Variants in NDC1 observed in about 807,000 individuals in gnomAD.
NDC1 encodes NDC1 transmembrane nucleoporin, also known as nucleoporin NDC1.
Under a neutral mutation model 89.8 loss-of-function variants are expected in NDC1, and 24 were observed. The observed-to-expected ratio is 0.27, with a 90% confidence interval of 0.19 to 0.38. The LOEUF is 0.38. Among genes scored for constraint, NDC1 ranks in the 10% least tolerant of loss-of-function variants. The probability of loss-of-function intolerance (pLI) is 1.00; values close to 1 mark genes in which losing one functional copy is unlikely to be tolerated. For missense variants in NDC1, 728 were observed against 797.6 expected (o/e 0.91, Z 1.05); for synonymous variants, 296 against 284.8 (o/e 1.04, Z -0.39).
intron 15 of NDC1, among the ~76,000 whole-genome samples, chr1:53,787,650 A>AAAAT (rs1189276471): frequency 6.9e-6 from 1 of 145,442 alleles, no homozygotes; most frequent in Non-Finnish European, 1.5e-5. Flanking sequence ...AATAAAAAGT[A>AAAAT]AAATAAATAA....
At chr1:53,782,280 T>A (rs1647217161) in intron 16 of NDC1, among the ~76,000 whole-genome samples, 1 of 151,970 alleles carries the variant, frequency 6.6e-6, no homozygotes. Flanking sequence ...GTAACTCAGT[T>A]GAGAGTCCAT....
At chr1:53,796,072 C>A (rs1011174240) in intron 13 of NDC1, among the ~76,000 whole-genome samples, 1 of 152,192 alleles carries the variant, frequency 6.6e-6, no homozygotes. Context: ...CCCTTCAGGT[C>A]TCTGATCAAT....
In NDC1 at chr1:53,825,833, T is replaced by C. The variant is rs148809606; in HGVS notation, c.559A>G (p.Asn187Asp). ...GYSYSLLYFV[N>D]NMNYLPFPII... ...GGAAATGGAAGATAGTTCATGTTGT[T>C]AACAAAATACAGGAGGCTATAGCTA... The change falls in exon 5 of 18, where the codon AAC becomes GAC. Residue 187 changes from asparagine to aspartate, a missense_variant. Physicochemically the swap from Asn to Asp is conservative, Grantham distance 23. Coordinates refer to ENST00000371429, the MANE Select transcript of NDC1 (RefSeq NM_018087.5). 4.7e-5 allele frequency: 76 copies of C among 1,600,510 alleles called. No homozygotes were observed. The African/African-American group carries it at 9.6e-4, about 20-fold the overall frequency.
chr1:53,789,817 A>T (rs866418703), intron 14 of NDC1, among the ~76,000 whole-genome samples: 26 of 148,976 alleles, frequency 1.7e-4, no homozygotes, highest in African/African-American at 4.7e-4. Flanking sequence ...AAAAAAAAAA[A>T]TTTTGGCTAG....
chr1:53,785,185 A>G (rs1647274086), intron 16 of NDC1, among the ~76,000 whole-genome samples: 1 of 152,198 alleles, frequency 6.6e-6, no homozygotes, highest in Non-Finnish European at 1.5e-5. Flanking sequence ...ATAAAGATCA[A>G]ATAATAATGA....
chr1:53,828,283 T>C, intron 3 of NDC1, 110 bp from the exon 4 acceptor site: 1 of 1,019,694 alleles, frequency 9.8e-7, no homozygotes, highest in Non-Finnish European at 1.4e-6. Flanking sequence ...CAGAGAGAAA[T>C]CCACAGTCAA....
chr1:53,778,893 A>G (rs967243264), intron 16 of NDC1, among the ~76,000 whole-genome samples: 108 of 152,152 alleles, frequency 7.1e-4, no homozygotes, highest in Non-Finnish European at 2.6e-4. Context: ...TATAATCTCA[A>G]CACTTCGGGA....
chr1:53,803,596 G>C (rs961276576), intron 10 of NDC1, among the ~76,000 whole-genome samples: 2 of 151,872 alleles, frequency 1.3e-5, no homozygotes, highest in African/African-American at 4.8e-5. Context: ...TTTTGAGACG[G>C]AGTCTCACTC....
chr1:53,828,972 C>G (rs547598287), intron 3 of NDC1, among the ~76,000 whole-genome samples: 9 of 151,998 alleles, frequency 5.9e-5, no homozygotes, highest in African/African-American at 1.5e-4. Flanking sequence ...AATCCACTTA[C>G]GAAAAATAAA....
Position 53,825,822 on chromosome 1 carries a change from G to T in NDC1, c.570C>A (p.Asn190Lys). 6.3e-7 allele frequency: 1 copy of T among 1,597,346 alleles called. No homozygotes were observed. Among genetic ancestry groups the T allele is most frequent in the South Asian group, 1.2e-5 (1 of 86,102 alleles). ...YSLLYFVNNM[N>K]YLPFPIIQQY... ...CCTGTATGATGGGAAATGGAAGATA[G>T]TTCATGTTGTTAACAAAATACAGGA... Residue 190 changes from asparagine to lysine, a missense_variant, in exon 5 of 18, where the codon AAC (asparagine) becomes AAA (lysine). By Grantham distance (94) the Asn-to-Lys change is moderately conservative. Coordinates refer to ENST00000371429, the MANE Select transcript of NDC1 (RefSeq NM_018087.5).
chr1:53,818,372 C>T (rs1570222430), intron 6 of NDC1, among the ~76,000 whole-genome samples: 2 of 150,900 alleles, frequency 1.3e-5, no homozygotes, highest in South Asian at 2.1e-4. Flanking sequence ...ACCCAAGAGG[C>T]GGAGGTTGCA....
chr1:53,828,100 T>A lies in NDC1; in HGVS notation c.354A>T (p.Ser118=), dbSNP rs566249221. ...KIIHPQQLMH[S]FIHAAMGMVM... is the part of the protein sequence containing the mutation. ...CCATTCCCATTGCAGCATGAATAAA[T>A]GAGTGCATGAGTTGCTGAGGATGAA... The change falls in exon 4 of 18, where the codon TCA becomes TCT. Residue 118 remains serine, a synonymous_variant. Coordinates refer to ENST00000371429, the MANE Select transcript of NDC1 (RefSeq NM_018087.5). The A allele has an allele frequency of 2.5e-6, 4 of 1,614,092 alleles. No homozygotes were observed. The South Asian group carries it at 4.4e-5, about 18-fold the overall frequency.
At chr1:53,831,070 A>C (rs916910408) in intron 3 of NDC1, among the ~76,000 whole-genome samples, 2 of 150,828 alleles carry the variant, frequency 1.3e-5, no homozygotes, top group African/African-American at 4.9e-5. Context: ...AAATACAAAA[A>C]CAAAATTAGC....
intron 16 of NDC1, among the ~76,000 whole-genome samples, chr1:53,786,284 G>A (rs894275240): frequency 3.3e-5 from 5 of 151,924 alleles, no homozygotes; most frequent in South Asian, 4.2e-4. Context: ...CATGTGACAC[G>A]TAACTAATAT....
intron 4 of NDC1, 114 bp from the exon 5 acceptor site, chr1:53,826,050 C>G (rs1285961814): frequency 1.3e-5 from 14 of 1,044,062 alleles, no homozygotes; most frequent in Non-Finnish European, 1.7e-5. Context: ...AAGAAATGTC[C>G]CAAATTCTAA....
chr1:53,811,067 G>C (rs1648290153), intron 6 of NDC1, among the ~76,000 whole-genome samples: 1 of 152,192 alleles, frequency 6.6e-6, no homozygotes. Context: ...AGCTGAACCA[G>C]TTTAGAGAGT....
Position 53,767,607 on chromosome 1 carries a change from T to C in NDC1, c.*363A>G, listed in dbSNP as rs570444916. The C allele has an allele frequency of 2.2e-4, 36 of 163,456 alleles. No homozygotes were observed. Among genetic ancestry groups the C allele is most frequent in the Non-Finnish European group, 4.2e-4 (32 of 75,730 alleles). 10.1% of individuals were successfully genotyped at this position (163,456 alleles called of 1,614,324 possible). ...TTAAGAAGACTATGAAATCAACCTA[T>C]ACTCATTTCAGAACTGGCTTCCCTC... On this transcript the variant is annotated 3_prime_UTR_variant, in exon 18 of 18. Transcript: ENST00000371429.
At chr1:53,811,930 G>A (rs769064175) in intron 6 of NDC1, among the ~76,000 whole-genome samples, 1 of 152,154 alleles carries the variant, frequency 6.6e-6, no homozygotes, top group Non-Finnish European at 1.5e-5. Flanking sequence ...TCACATCACA[G>A]GACTCTGTGC....
At chr1:53,829,975 AC>A (rs1188151946) in intron 3 of NDC1, among the ~76,000 whole-genome samples, 1 of 151,984 alleles carries the variant, frequency 6.6e-6, no homozygotes, top group Non-Finnish European at 1.5e-5. Context: ...ATATGGTGAA[AC>A]CCCACCTCTA....
Sources: gnomAD v4.1 joint callset for allele counts (sites outside exome capture counted in the v4.1 genomes callset) on GRCh38, gnomAD v4.1.1 for gene constraint, MANE v1.5 for transcripts, NCBI Gene and HGNC (gene_info 2026-07-23, HGNC 2026-07-21) for gene names.